The following MIX23 variants were observed in gnomAD, a reference collection of about 807,000 sequenced individuals.
The protein encoded by MIX23 is mitochondrial matrix import factor 23.
Under a neutral mutation model 21.6 loss-of-function variants are expected in MIX23, and 13 were observed. That is an observed-to-expected ratio of 0.60 (90% confidence interval 0.39 to 0.96). MIX23 has a LOEUF of 0.96. MIX23 is among the 40% of genes least tolerant of loss of function. MIX23 has a pLI of 0.00. For synonymous variants in MIX23, 59 were observed against 58.0 expected, an observed-to-expected ratio of 1.02 and a Z score of -0.08; for missense variants, 144 against 171.2, an observed-to-expected ratio of 0.84 and a Z score of 0.89.
chr3:122,374,500 T>TA (rs1377487550), intron 1 of MIX23, among the ~76,000 whole-genome samples: 1 of 152,216 alleles, frequency 6.6e-6, no homozygotes, highest in Non-Finnish European at 1.5e-5. Flanking sequence ...TCTAATACAA[T>TA]ATAAATGCTA....
rs533665722 is a variant in MIX23, at chr3:122,363,006, G to A, written c.346C>T (p.Leu116=). 45 of 1,610,552 alleles carry A rather than the reference G, an allele frequency of 2.8e-5. 1 individual carries two copies. The South Asian group carries it at 5.0e-4, about 18-fold the overall frequency. The change falls in exon 4 of 5, where the codon CTG becomes TTG. Residue 116 remains leucine, a synonymous_variant. Transcript: ENST00000291458. ...TCATTTACCACTTCTTCAACATTCA[G>A]TTCTGACTGCATCCATTTCAACTGC... ...QTKLKWMQSE[L]NVEEVVNDRS...
chr3:122,362,779 C>A (rs927593806), intron 4 of MIX23, among the ~76,000 whole-genome samples, 189 bp downstream of exon 4: 6 of 152,008 alleles, frequency 3.9e-5, no homozygotes, highest in African/African-American at 1.4e-4. Context: ...TAATTAGATG[C>A]TAACTGCATC....
intron 3 of MIX23, 166 bp downstream of exon 3, chr3:122,368,004 TAATAAC>T (rs1369150730): frequency 1.1e-5 from 7 of 608,750 alleles, no homozygotes; most frequent in Non-Finnish European, 2.0e-5. Context: ...ATTTACCAAT[TAATAAC>T]TAAACATAAT....
intron 1 of MIX23, 37 bp downstream of exon 1, chr3:122,383,137 G>A (rs1476258310): frequency 6.2e-6 from 10 of 1,613,292 alleles, no homozygotes; most frequent in Non-Finnish European, 7.6e-6. Flanking sequence ...GGGACAAAAG[G>A]AGGCACATGC....
At position 122,374,616 on chromosome 3, in the gene MIX23, C is replaced by T. The variant is rs1399927762; in HGVS notation, c.52-2816G>A. 3.3e-5 allele frequency among the ~76,000 whole-genome samples: 5 copies of T among 151,918 alleles called. No individual in the cohort carries two copies. In the East Asian group the frequency reaches 9.7e-4, roughly 29 times the overall value. On this transcript the variant is annotated intron_variant, in intron 1 of 4. Coordinates refer to ENST00000291458, the MANE Select transcript of MIX23 (RefSeq NM_001017928.4). ...ACTTTTTTTTCAACTATCTTCGATC[C>T]ACGGTTGATTGAATCCATGGATGTA...
intron 2 of MIX23, 71 bp downstream of exon 2, chr3:122,371,604 G>T: frequency 6.5e-7 from 1 of 1,528,058 alleles, no homozygotes; most frequent in Non-Finnish European, 9.0e-7. Context: ...CGAGTTACAA[G>T]ATAACTGATT....
chr3:122,360,102 A>C (rs1034341090), intron 4 of MIX23, among the ~76,000 whole-genome samples, 183 bp from the exon 5 acceptor site: 1 of 152,166 alleles, frequency 6.6e-6, no homozygotes, highest in Admixed American at 6.5e-5. Flanking sequence ...AATGCACAGA[A>C]GGCCTTGACA....
intron 1 of MIX23, among the ~76,000 whole-genome samples, chr3:122,377,952 A>G (rs897359937): frequency 3.9e-5 from 6 of 152,228 alleles, no homozygotes; most frequent in Non-Finnish European, 8.8e-5. Context: ...TGTTTAATGG[A>G]CTGAAAAGGT....
At chr3:122,373,777 A>G (rs2075461558) in intron 1 of MIX23, among the ~76,000 whole-genome samples, 1 of 152,172 alleles carries the variant, frequency 6.6e-6, no homozygotes, top group South Asian at 2.1e-4. Flanking sequence ...CTATACCTCA[A>G]TCTAGAAGTG....
At chr3:122,377,231 A>G (rs1030471379) in intron 1 of MIX23, among the ~76,000 whole-genome samples, 3 of 146,948 alleles carry the variant, frequency 2.0e-5, no homozygotes, top group African/African-American at 7.3e-5. Context: ...TTTAAATTAG[A>G]AAAAACAAAA....
At chr3:122,381,905 A>G (rs1339303623) in intron 1 of MIX23, among the ~76,000 whole-genome samples, 3 of 152,082 alleles carry the variant, frequency 2.0e-5, no homozygotes, top group Non-Finnish European at 4.4e-5. Flanking sequence ...TTCCCCCCTT[A>G]AATCAAACTG....
chr3:122,360,539 C>T (rs2075350254), intron 4 of MIX23, among the ~76,000 whole-genome samples: 1 of 151,940 alleles, frequency 6.6e-6, no homozygotes, highest in Non-Finnish European at 1.5e-5. Context: ...TAGGAGGTAG[C>T]TGAAGGAGAG....
intron 2 of MIX23, among the ~76,000 whole-genome samples, chr3:122,370,456 CAAAAAAAAAAA>C (rs10660235): frequency 1.9e-4 from 9 of 48,272 alleles, no homozygotes; most frequent in African/African-American, 2.9e-4. Flanking sequence ...GACACTGTCT[CAAAAAAAAAAA>C]AAAAAAAAAA....
At chr3:122,365,197 T>C (rs1448031153) in intron 3 of MIX23, 1 of 152,164 alleles carries the variant, frequency 6.6e-6, no homozygotes, top group East Asian at 1.9e-4. Flanking sequence ...TCAGGTAAAC[T>C]AGTGGGGATT....
chr3:122,374,384 A>G (rs1173469699), intron 1 of MIX23, among the ~76,000 whole-genome samples: 2 of 152,230 alleles, frequency 1.3e-5, no homozygotes, highest in Non-Finnish European at 2.9e-5. Context: ...CCTATGGTTA[A>G]CAAAATCCAA....
rs1311192070 is a variant in MIX23, at chr3:122,373,066, A to T, written c.52-1266T>A. ...TAAAATAAAAATTATTATTATTATT[A>T]CTTTCATTTTAGAAAAGTTAGAAAA... On this transcript the variant is annotated intron_variant, in intron 1 of 4. Transcript: ENST00000291458. 3 of 383,270 alleles carry T rather than the reference A, an allele frequency of 7.8e-6. No individual in the cohort carries two copies. In the East Asian group the frequency reaches 2.3e-4, roughly 29 times the overall value. The allele number at this position is 383,270 out of a possible 1,614,324, so 23.7% of individuals were successfully genotyped here.
intron 1 of MIX23, among the ~76,000 whole-genome samples, chr3:122,382,805 A>G (rs1272653158): frequency 1.3e-5 from 2 of 152,208 alleles, no homozygotes; most frequent in Non-Finnish European, 2.9e-5. Context: ...CTTCTCTCCC[A>G]CAAAAACTCT....
chr3:122,379,613 A>G (rs1480690153), intron 1 of MIX23, among the ~76,000 whole-genome samples: 1 of 152,224 alleles, frequency 6.6e-6, no homozygotes, highest in East Asian at 1.9e-4. Flanking sequence ...CTGTCCAGAA[A>G]TTCACCAAGA....
chr3:122,378,525 T>C (rs1287706295), intron 1 of MIX23, among the ~76,000 whole-genome samples: 2 of 152,230 alleles, frequency 1.3e-5, no homozygotes, highest in African/African-American at 4.8e-5. Context: ...CTAGATGGTA[T>C]GGCCTACTTA....
Sources: allele counts gnomAD v4.1 joint callset (sites outside exome capture counted in the v4.1 genomes callset), GRCh38; gene constraint gnomAD v4.1.1; transcripts MANE v1.5; gene names NCBI Gene and HGNC (gene_info 2026-07-23, HGNC 2026-07-21).